The following GNG7 variants were observed in gnomAD, a reference collection of about 807,000 sequenced individuals.
GNG7 encodes the protein guanine nucleotide-binding protein G(I)/G(S)/G(O) subunit gamma-7.
In GNG7, 1 loss-of-function variant was observed where a neutral mutation model predicts 4.0. The observed-to-expected ratio is 0.25, with a 90% CI of 0.09 to 1.18. GNG7 has a LOEUF of 1.18. Ranked by LOEUF, GNG7 falls within the 50% of genes most tolerant of loss-of-function variation. The pLI is 0.50. For synonymous variants in GNG7, 34 were observed against 36.9 expected (o/e 0.92, Z 0.29); for missense variants, 86 against 91.9 (o/e 0.94, Z 0.26).
intron 2 of GNG7, among the ~76,000 whole-genome samples, chr19:2,604,108 C>A (rs1417272066): frequency 2.0e-5 from 3 of 151,884 alleles, no homozygotes; most frequent in Non-Finnish European, 1.5e-5. Context: ...CCTCGGCCCC[C>A]CAAAGTGCTA....
chr19:2,601,879 G>A (rs1462965132), intron 2 of GNG7, among the ~76,000 whole-genome samples: 1 of 152,036 alleles, frequency 6.6e-6, no homozygotes, highest in Non-Finnish European at 1.5e-5. Context: ...TTCAGCCTGG[G>A]CCACAGAGTA....
intron 4 of GNG7, among the ~76,000 whole-genome samples, chr19:2,518,563 C>T (rs112529812): frequency 4.6e-5 from 7 of 152,120 alleles, no homozygotes; most frequent in Admixed American, 2.0e-4. Flanking sequence ...ACTCACCGGC[C>T]GATCAGAACC....
chr19:2,651,897 G>A lies in GNG7; in HGVS notation c.-134-5617C>T, dbSNP rs534336424. Among the ~76,000 whole-genome samples the A allele has an allele frequency of 7.9e-5, 12 of 151,916 alleles. No individual in the cohort carries two copies. The South Asian group carries it at 1.5e-3, about 18-fold the overall frequency. ...TTTCTTTAAAAAATTAAAATAGGCC[G>A]GGTGCAGTGGCTCATGCCTGTTATC... is the stretch of plus-strand genomic sequence containing the variant. On this transcript the variant is annotated intron_variant, in intron 1 of 4. Transcript: ENST00000382159.
Position 2,551,740 on chromosome 19 carries a change from A to G in GNG7, c.-38+3409T>C, listed in dbSNP as rs187182974. Reference sequence around the variant, plus strand: ...GCTCTGGCCCCCAGGCTGGAGTGCAACGGCACGATCTCAGCTCACTGCAAC... The same window carrying G: ...GCTCTGGCCCCCAGGCTGGAGTGCAGCGGCACGATCTCAGCTCACTGCAAC... On this transcript the variant is annotated intron_variant, in intron 3 of 4. Coordinates refer to ENST00000382159, the MANE Select transcript of GNG7 (RefSeq NM_052847.3). 7.5e-3 allele frequency among the ~76,000 whole-genome samples: 1,098 copies of G among 146,090 alleles called. 11 individuals carry two copies. The highest frequency in any genetic ancestry group is 0.027 in the African/African-American group (1,045 of 39,182).
At chr19:2,555,217 A>C (rs1334038116) in intron 2 of GNG7, 29 bp from the exon 3 acceptor site, 1 of 152,170 alleles carries the variant, frequency 6.6e-6, no homozygotes, top group Non-Finnish European at 1.5e-5. Context: ...AGAAAGAGAA[A>C]AGCATGGTTA....
intron 3 of GNG7, among the ~76,000 whole-genome samples, chr19:2,553,168 A>C (rs1979391243): frequency 6.6e-6 from 1 of 151,178 alleles, no homozygotes; most frequent in Non-Finnish European, 1.5e-5. Context: ...AGATAACTAC[A>C]CGCAGAAACG....
At chr19:2,616,805 T>A (rs1369724321) in intron 2 of GNG7, among the ~76,000 whole-genome samples, 2 of 150,012 alleles carry the variant, frequency 1.3e-5, no homozygotes, top group East Asian at 3.9e-4. Context: ...AGCTGGTGGG[T>A]TCTTGGGCAA....
At chr19:2,553,738 T>A (rs936542216) in intron 3 of GNG7, among the ~76,000 whole-genome samples, 1 of 148,902 alleles carries the variant, frequency 6.7e-6, no homozygotes, top group Non-Finnish European at 1.5e-5. Flanking sequence ...ACATATTACA[T>A]GCAATATATT....
At chr19:2,582,051 AG>A (rs1181828130) in intron 2 of GNG7, among the ~76,000 whole-genome samples, 2 of 152,224 alleles carry the variant, frequency 1.3e-5, no homozygotes, top group East Asian at 3.8e-4. Flanking sequence ...AGAGACAAAA[AG>A]TTGAGGTCCT....
intron 1 of GNG7, among the ~76,000 whole-genome samples, chr19:2,671,383 AG>A (rs1162730384): frequency 1.3e-5 from 2 of 152,120 alleles, no homozygotes; most frequent in Non-Finnish European, 2.9e-5. Flanking sequence ...GGCCAGCACC[AG>A]CCAAAAGGAC....
Position 2,656,531 on chromosome 19 carries a change from C to T in GNG7, c.-134-10251G>A, listed in dbSNP as rs577828227. 4.6e-5 allele frequency among the ~76,000 whole-genome samples: 7 copies of T among 152,150 alleles called. No individual in the cohort carries two copies. In the East Asian group the frequency reaches 1.2e-3, roughly 25 times the overall value. ...GCAGGAGAAGCTTGAACCCAGGAGGCGGGGGTTGCAGTGCGCCAAGATCAC... is the reference window on the plus strand; with the variant it reads ...GCAGGAGAAGCTTGAACCCAGGAGGTGGGGGTTGCAGTGCGCCAAGATCAC... On this transcript the variant is annotated intron_variant, in intron 1 of 4. Transcript: ENST00000382159.
intron 1 of GNG7, among the ~76,000 whole-genome samples, chr19:2,675,224 G>A (rs186937107): frequency 6.6e-6 from 1 of 152,258 alleles, no homozygotes; most frequent in South Asian, 2.1e-4. Context: ...AATTCCTGTC[G>A]TGCCCCTGAA....
At chr19:2,537,964 C>T (rs918012225) in intron 3 of GNG7, 7 of 365,826 alleles carry the variant, frequency 1.9e-5, no homozygotes, top group African/African-American at 1.5e-4. Context: ...GTAGTCCCAG[C>T]TACTCAGGAG....
intron 1 of GNG7, among the ~76,000 whole-genome samples, chr19:2,652,004 G>A (rs1982843510): frequency 6.6e-6 from 1 of 151,588 alleles, no homozygotes; most frequent in Non-Finnish European, 1.5e-5. Context: ...GTGAAACCCC[G>A]TCTGTACTAA....
At chr19:2,563,547 T>G (rs908712643) in intron 2 of GNG7, among the ~76,000 whole-genome samples, 3 of 152,082 alleles carry the variant, frequency 2.0e-5, no homozygotes, top group African/African-American at 7.2e-5. Context: ...TGGCACGATC[T>G]TGGCTCACTG....
At chr19:2,531,003 C>T (rs922642035) in intron 3 of GNG7, among the ~76,000 whole-genome samples, 3 of 151,942 alleles carry the variant, frequency 2.0e-5, no homozygotes, top group Admixed American at 2.0e-4. Context: ...CTTAATATTG[C>T]ACTGTAAGAG....
intron 3 of GNG7, among the ~76,000 whole-genome samples, chr19:2,535,243 C>G (rs1405961002): frequency 2.0e-5 from 3 of 149,774 alleles, no homozygotes; most frequent in South Asian, 2.1e-4. Flanking sequence ...AGTCCCAGCA[C>G]TTTGGGAGGC....
At chr19:2,627,525 C>T (rs765762733) in intron 2 of GNG7, among the ~76,000 whole-genome samples, 4 of 152,230 alleles carry the variant, frequency 2.6e-5, no homozygotes, top group Non-Finnish European at 5.9e-5. Flanking sequence ...TGTAAACACC[C>T]ACCCAGGCGT....
intron 1 of GNG7, among the ~76,000 whole-genome samples, chr19:2,660,465 G>T (rs780930594): frequency 6.6e-6 from 1 of 152,288 alleles, no homozygotes; most frequent in South Asian, 2.1e-4. Context: ...AAAGGTACAA[G>T]AAGACAAGCT....
Sources: allele counts gnomAD v4.1 joint callset (sites outside exome capture counted in the v4.1 genomes callset), GRCh38; gene constraint gnomAD v4.1.1; transcripts MANE v1.5; gene names NCBI Gene and HGNC (gene_info 2026-07-23, HGNC 2026-07-21).